SORCS2: variants seen among roughly 807,000 people sequenced by gnomAD.
SORCS2 encodes VPS10 domain-containing receptor SorCS2.
Under a neutral mutation model 141.6 loss-of-function variants are expected in SORCS2, and 100 were observed. The observed-to-expected ratio is 0.71, with a 90% CI of 0.60 to 0.83. The LOEUF is 0.83. Ranked by LOEUF, SORCS2 falls within the 40% of genes least tolerant of loss-of-function variation. SORCS2 has a pLI of 0.00. For missense variants in SORCS2, 1,646 were observed against 1,560.2 expected (o/e 1.05, Z -0.93); for synonymous variants, 789 against 676.9 (o/e 1.17, Z -2.57).
intron 2 of SORCS2, among the ~76,000 whole-genome samples, chr4:7,443,560 C>T (rs377675999): frequency 6.6e-6 from 1 of 152,194 alleles, no homozygotes; most frequent in East Asian, 1.9e-4. Context: ...ACAGTGGCCC[C>T]AACTCCAGAC....
intron 2 of SORCS2, among the ~76,000 whole-genome samples, chr4:7,454,939 GT>G (rs1170774630): frequency 8.6e-4 from 123 of 142,252 alleles, no homozygotes; most frequent in Non-Finnish European, 1.6e-3. Context: ...GTGTGTTGGG[GT>G]CAGGAGCTGT....
intron 3 of SORCS2, among the ~76,000 whole-genome samples, chr4:7,606,142 C>T (rs1242225883): frequency 6.6e-6 from 1 of 152,156 alleles, no homozygotes; most frequent in African/African-American, 2.4e-5. Context: ...TAATAACTTA[C>T]TCTTTAAGAC....
At chr4:7,528,548 C>T (rs1229303476) in intron 2 of SORCS2, among the ~76,000 whole-genome samples, 3 of 152,178 alleles carry the variant, frequency 2.0e-5, no homozygotes, top group South Asian at 2.1e-4. Context: ...GCCTCAGCCT[C>T]CTGAGTACCT....
intron 2 of SORCS2, among the ~76,000 whole-genome samples, chr4:7,398,304 T>A (rs1724351624): frequency 6.6e-6 from 1 of 152,106 alleles, no homozygotes; most frequent in African/African-American, 2.4e-5. Context: ...GGTGGGGTGG[T>A]GGGGACTTCC....
chr4:7,338,392 G>C lies in SORCS2; in HGVS notation c.481-57896G>C, dbSNP rs1720151960. On this transcript the variant is annotated intron_variant, in intron 1 of 26. Coordinates refer to ENST00000507866, the MANE Select transcript of SORCS2 (RefSeq NM_020777.3). ...TGGATGGATGGATGTCGGTTGGATGGATGGATGGTTGGATGTCGGTTGGAT... is the reference window on the plus strand; with the variant it reads ...TGGATGGATGGATGTCGGTTGGATGCATGGATGGTTGGATGTCGGTTGGAT... Among the ~76,000 whole-genome samples, 4 of 150,786 alleles carry C rather than the reference G, an allele frequency of 2.7e-5. No homozygotes were observed. In the South Asian group the frequency reaches 8.4e-4, roughly 32 times the overall value.
chr4:7,496,115 C>T (rs919058926), intron 2 of SORCS2, among the ~76,000 whole-genome samples: 7 of 152,172 alleles, frequency 4.6e-5, no homozygotes, highest in Admixed American at 6.5e-5. Flanking sequence ...GAGAGTGAAC[C>T]TGTCTTGCTT....
intron 18 of SORCS2, among the ~76,000 whole-genome samples, chr4:7,720,654 G>T (rs1354513480): frequency 6.6e-6 from 1 of 152,278 alleles, no homozygotes; most frequent in African/African-American, 2.4e-5. Flanking sequence ...TCAACAGCAA[G>T]GAAACAAACC....
chr4:7,204,679 A>G (rs1220078219), intron 1 of SORCS2, among the ~76,000 whole-genome samples: 1 of 152,202 alleles, frequency 6.6e-6, no homozygotes, highest in Non-Finnish European at 1.5e-5. Flanking sequence ...TCCCGTGCCT[A>G]GAAGGGACAC....
chr4:7,462,857 A>G (rs1454949004), intron 2 of SORCS2, among the ~76,000 whole-genome samples: 2 of 150,258 alleles, frequency 1.3e-5, no homozygotes. Flanking sequence ...AGCGCTCACA[A>G]CATGCTATTA....
intron 3 of SORCS2, among the ~76,000 whole-genome samples, chr4:7,592,189 G>T (rs1163906151): frequency 6.6e-6 from 1 of 152,042 alleles, no homozygotes; most frequent in Non-Finnish European, 1.5e-5. Flanking sequence ...GGCCTTGCCT[G>T]GTCATTATTT....
intron 1 of SORCS2, among the ~76,000 whole-genome samples, chr4:7,210,915 G>C (rs940351798): frequency 2.0e-5 from 3 of 152,154 alleles, no homozygotes; most frequent in Non-Finnish European, 2.9e-5. Flanking sequence ...GGGGTAGTCA[G>C]CCAGCTGCCA....
chr4:7,625,412 C>T (rs1719453412), intron 3 of SORCS2, among the ~76,000 whole-genome samples: 1 of 152,036 alleles, frequency 6.6e-6, no homozygotes, highest in Non-Finnish European at 1.5e-5. Context: ...ACATCTCCCA[C>T]ATGTAGCATT....
intron 3 of SORCS2, among the ~76,000 whole-genome samples, chr4:7,595,074 C>A (rs1052326259): frequency 7.2e-5 from 11 of 152,198 alleles, no homozygotes; most frequent in Non-Finnish European, 1.2e-4. Flanking sequence ...ATGCCAGTCA[C>A]AAGTCCAGGC....
chr4:7,311,028 G>T (rs991234610), intron 1 of SORCS2, among the ~76,000 whole-genome samples: 1 of 152,250 alleles, frequency 6.6e-6, no homozygotes, highest in South Asian at 2.1e-4. Flanking sequence ...GCCACAATAG[G>T]TAGGGGCCAC....
At chr4:7,600,653 A>G (rs1296478524) in intron 3 of SORCS2, among the ~76,000 whole-genome samples, 133 of 84,566 alleles carry the variant, frequency 1.6e-3, no homozygotes, top group African/African-American at 7.3e-3. Context: ...ATACATATAT[A>G]TATACACACA....
At chr4:7,464,840 T>C (rs4420980) in intron 2 of SORCS2, among the ~76,000 whole-genome samples, 83,660 of 152,126 alleles carry the variant, frequency 0.55, 24,076 homozygotes, top group African/African-American at 0.68. Flanking sequence ...AGGAGGGGCC[T>C]GAGAAATGCA....
intron 19 of SORCS2, 145 bp from the exon 20 acceptor site, chr4:7,725,009 T>C: frequency 1.2e-6 from 1 of 842,818 alleles, no homozygotes; most frequent in South Asian, 1.7e-5. Flanking sequence ...GTGGTGATGG[T>C]GGTGGTGGTG....
At chr4:7,498,989 G>A (rs549903062) in intron 2 of SORCS2, among the ~76,000 whole-genome samples, 1 of 152,312 alleles carries the variant, frequency 6.6e-6, no homozygotes, top group South Asian at 2.1e-4. Context: ...CTGAGGCTGG[G>A]GAAAGGGGGG....
intron 2 of SORCS2, among the ~76,000 whole-genome samples, chr4:7,501,260 C>T (rs1266052124): frequency 2.6e-5 from 4 of 152,208 alleles, no homozygotes; most frequent in Admixed American, 6.5e-5. Flanking sequence ...AAGCCCAATG[C>T]TCTTTACAAA....
Sources: allele counts gnomAD v4.1 joint callset (sites outside exome capture counted in the v4.1 genomes callset), GRCh38; gene constraint gnomAD v4.1.1; transcripts MANE v1.5; gene names NCBI Gene and HGNC (gene_info 2026-07-23, HGNC 2026-07-21).